ULK4: variants seen among roughly 807,000 people sequenced by gnomAD.
ULK4 encodes inactive serine/threonine-protein kinase ULK4.
In ULK4, 133 loss-of-function variants were observed where a neutral mutation model predicts 160.6. The ratio of observed to expected loss-of-function variants is 0.83; its 90% confidence interval spans 0.72 to 0.96. ULK4 has a LOEUF of 0.96. Ranked by LOEUF, ULK4 falls within the 40% of genes least tolerant of loss-of-function variation. The probability of loss-of-function intolerance (pLI) is 0.00; values close to 1 mark genes in which losing one functional copy is unlikely to be tolerated. For synonymous variants in ULK4, 534 were observed against 539.8 expected, an observed-to-expected ratio of 0.99 and a Z score of 0.15; for missense variants, 1,580 against 1,499.5, an observed-to-expected ratio of 1.05 and a Z score of -0.89.
At chr3:41,934,134 A>G (rs1349384880) in intron 4 of ULK4, among the ~76,000 whole-genome samples, 3 of 152,260 alleles carry the variant, frequency 2.0e-5, no homozygotes, top group African/African-American at 7.2e-5. Flanking sequence ...CTAGACATGT[A>G]ACAATGAATT....
At chr3:41,423,062 A>T (rs1370786610) in intron 34 of ULK4, among the ~76,000 whole-genome samples, 1 of 152,220 alleles carries the variant, frequency 6.6e-6, no homozygotes, top group Admixed American at 6.5e-5. Context: ...AATAAATAAA[A>T]ATAAAAGCAA....
intron 30 of ULK4, among the ~76,000 whole-genome samples, chr3:41,630,596 C>T (rs1365695660): frequency 1.3e-5 from 2 of 152,138 alleles, no homozygotes; most frequent in Non-Finnish European, 2.9e-5. Flanking sequence ...AATTAATTTG[C>T]AACCTTAATT....
intron 17 of ULK4, among the ~76,000 whole-genome samples, chr3:41,839,018 A>G (rs1454626082): frequency 6.6e-6 from 1 of 152,214 alleles, no homozygotes; most frequent in Non-Finnish European, 1.5e-5. Context: ...CACGGTGACC[A>G]TAGTTCATAA....
chr3:41,687,512 T>C (rs942267295), intron 27 of ULK4, among the ~76,000 whole-genome samples: 109 of 152,318 alleles, frequency 7.2e-4, no homozygotes, highest in African/African-American at 2.5e-3. Flanking sequence ...TTAAATTTCC[T>C]TAAGTGTAGT....
chr3:41,639,796 G>A (rs755479188), intron 30 of ULK4, among the ~76,000 whole-genome samples: 28 of 152,080 alleles, frequency 1.8e-4, no homozygotes, highest in Non-Finnish European at 2.9e-4. Context: ...TAAGGCAACT[G>A]TCATTTTTAT....
chr3:41,915,889 C>A, intron 8 of ULK4, 88 bp downstream of exon 8: 1 of 868,896 alleles, frequency 1.2e-6, no homozygotes, highest in Non-Finnish European at 1.8e-6. Flanking sequence ...GAAAAGATTT[C>A]ATTATTTATT....
chr3:41,398,197 T>C lies in ULK4; in HGVS notation c.3560A>G (p.Tyr1187Cys), dbSNP rs367582738. The change falls in exon 35 of 37, where the codon TAT (tyrosine) becomes TGT (cysteine). Residue 1187 changes from tyrosine to cysteine, a missense_variant. By Grantham distance (194) the Tyr-to-Cys change is radical (BLOSUM62 -2). Coordinates refer to ENST00000301831, the MANE Select transcript of ULK4 (RefSeq NM_017886.4). ...GAGGCTGTCCGGGTTTTCCCCTCCA[T>C]ACAGCTGAACCAGTATAGACAGGCA... ...SKCLSILVQL[Y>C]GGENPDSLSP... The C allele has an allele frequency of 1.2e-6, 2 of 1,613,420 alleles. No individual in the cohort carries two copies. Among genetic ancestry groups the C allele is most frequent in the Non-Finnish European group, 1.7e-6 (2 of 1,179,650 alleles).
chr3:41,823,910 C>A (rs1225615901), intron 18 of ULK4, among the ~76,000 whole-genome samples: 1 of 152,158 alleles, frequency 6.6e-6, no homozygotes, highest in Non-Finnish European at 1.5e-5. Context: ...CGCCTATAAT[C>A]TCAATACTTT....
chr3:41,294,563 G>A lies in ULK4; in HGVS notation c.3679-44989C>T, dbSNP rs80258926. Among the ~76,000 whole-genome samples the A allele has an allele frequency of 3.5e-4, 53 of 152,184 alleles. No homozygotes were observed. In the East Asian group the frequency reaches 6.2e-3, roughly 18 times the overall value. ...TCTGAAAAAGAAAGTAATCATATAC[G>A]TTTTATAAAAATAATGTGACTTCTG... On this transcript the variant is annotated intron_variant, in intron 35 of 36. Coordinates refer to ENST00000301831, the MANE Select transcript of ULK4 (RefSeq NM_017886.4).
intron 32 of ULK4, among the ~76,000 whole-genome samples, chr3:41,542,193 C>T (rs191196502): frequency 4.2e-4 from 64 of 152,206 alleles, no homozygotes; most frequent in African/African-American, 1.5e-3. Flanking sequence ...TACGTTCCTT[C>T]GATACCTCAT....
At chr3:41,540,231 C>T (rs1471326160) in intron 32 of ULK4, among the ~76,000 whole-genome samples, 2 of 151,768 alleles carry the variant, frequency 1.3e-5, no homozygotes, top group African/African-American at 2.4e-5. Context: ...CCAATAGGCC[C>T]CAGTGTGTGA....
intron 34 of ULK4, among the ~76,000 whole-genome samples, chr3:41,419,216 A>G (rs1473875375): frequency 3.3e-5 from 5 of 151,690 alleles, no homozygotes; most frequent in African/African-American, 9.7e-5. Context: ...ATGTTGGGGG[A>G]AAAAAAAGCT....
chr3:41,391,314 T>C (rs2125807400), intron 35 of ULK4, among the ~76,000 whole-genome samples: 1 of 152,206 alleles, frequency 6.6e-6, no homozygotes, highest in African/African-American at 2.4e-5. Flanking sequence ...AAAAACCAGA[T>C]TGCATATAAA....
chr3:41,458,066 TG>T (rs1278573913), intron 33 of ULK4, among the ~76,000 whole-genome samples: 1 of 151,896 alleles, frequency 6.6e-6, no homozygotes, highest in Non-Finnish European at 1.5e-5. Flanking sequence ...GCAGGGTGAG[TG>T]GGGCAGGGCT....
At chr3:41,628,328 G>C (rs1284277260) in intron 30 of ULK4, among the ~76,000 whole-genome samples, 4 of 152,084 alleles carry the variant, frequency 2.6e-5, no homozygotes, top group African/African-American at 9.7e-5. Flanking sequence ...CTCCCCATAA[G>C]ATATTTATAA....
chr3:41,766,105 C>G (rs1178666714), intron 21 of ULK4, among the ~76,000 whole-genome samples: 3 of 151,868 alleles, frequency 2.0e-5, no homozygotes, highest in Non-Finnish European at 4.4e-5. Flanking sequence ...CCCATCTCTA[C>G]TAAAAATACA....
chr3:41,468,447 G>C (rs2083890142), intron 32 of ULK4, among the ~76,000 whole-genome samples: 1 of 152,124 alleles, frequency 6.6e-6, no homozygotes, highest in Non-Finnish European at 1.5e-5. Flanking sequence ...GGAATAACTA[G>C]AATTAAAAAG....
chr3:41,460,446 C>T (rs12495289), intron 33 of ULK4, among the ~76,000 whole-genome samples: 2 of 151,540 alleles, frequency 1.3e-5, no homozygotes, highest in Non-Finnish European at 2.9e-5. Context: ...AATAAGATGA[C>T]GACTTGCTTC....
At chr3:41,438,031 C>G (rs1188410441) in intron 34 of ULK4, among the ~76,000 whole-genome samples, 1 of 150,192 alleles carries the variant, frequency 6.7e-6, no homozygotes, top group East Asian at 2.0e-4. Context: ...AGTCAGGACC[C>G]TAGTTCATTT....
Sources: gnomAD v4.1 joint callset for allele counts (sites outside exome capture counted in the v4.1 genomes callset) on GRCh38, gnomAD v4.1.1 for gene constraint, MANE v1.5 for transcripts, NCBI Gene and HGNC (gene_info 2026-07-23, HGNC 2026-07-21) for gene names.